Variants in AP4E1 observed in about 807,000 individuals in gnomAD.
AP4E1 encodes the protein adaptor related protein complex 4 subunit epsilon 1.
A neutral mutation model predicts 128.2 loss-of-function variants in AP4E1; 56 were observed. That is an observed-to-expected ratio of 0.44 (90% CI 0.35 to 0.55). AP4E1 has a LOEUF of 0.55. Ranked by LOEUF, AP4E1 falls within the 20% of genes least tolerant of loss-of-function variation. AP4E1 has a pLI of 0.00. For missense variants in AP4E1, 1,324 were observed against 1,307.7 expected (o/e 1.01, Z -0.19); for synonymous variants, 484 against 473.1 (o/e 1.02, Z -0.30).
chr15:50,915,612 C>G (rs745337959), intron 3 of AP4E1, 41 bp downstream of exon 3: 7 of 1,601,880 alleles, frequency 4.4e-6, no homozygotes, highest in Non-Finnish European at 6.0e-6. Context: ...TCATGTTGTC[C>G]TTGAAGTTGC....
rs141477361 is a variant in AP4E1, at chr15:50,950,106, T to C, written c.1485T>C (p.Tyr495=). 2.6e-4 allele frequency: 427 copies of C among 1,613,442 alleles called. No homozygotes were observed. The highest frequency in any genetic ancestry group is 3.3e-4 in the Admixed American group (20 of 60,004). ...TAAGACTCTATGCAGTTCAGTCTTA[T>C]CTCACTTTACTGGATATGGAAAATG... ...QQLRLYAVQS[Y]LTLLDMENVF... is the part of the protein sequence containing the mutation. The change falls in exon 13 of 21, where the codon TAT becomes TAC. Residue 495 remains tyrosine (Y), a synonymous_variant. Coordinates refer to ENST00000261842, the MANE Select transcript of AP4E1 (RefSeq NM_007347.5).
intron 15 of AP4E1, among the ~76,000 whole-genome samples, chr15:50,981,782 G>T (rs970699576): frequency 1.1e-4 from 16 of 151,966 alleles, no homozygotes; most frequent in Non-Finnish European, 2.2e-4. Context: ...CATGGGAGTG[G>T]GTCATTAAAA....
Position 50,949,955 on chromosome 15 carries a change from A to G in AP4E1, c.1429+17A>G. ...TAGCGGAAGGTTGGTACACTATTAT[A>G]TTCTGTAAAGTAAACATTTTAAAGT... is the stretch of plus-strand genomic sequence containing the variant. On this transcript the variant is annotated intron_variant, in intron 12 of 20. Coordinates refer to ENST00000261842, the MANE Select transcript of AP4E1 (RefSeq NM_007347.5). 1 of 1,601,930 alleles carries G rather than the reference A, an allele frequency of 6.2e-7. No homozygotes were observed. Among genetic ancestry groups the G allele is most frequent in the Non-Finnish European group, 8.6e-7 (1 of 1,169,052 alleles).
At chr15:50,917,183 A>G (rs1193705137) in intron 3 of AP4E1, among the ~76,000 whole-genome samples, 1 of 152,216 alleles carries the variant, frequency 6.6e-6, no homozygotes, top group East Asian at 1.9e-4. Context: ...CAAAAAGGAA[A>G]TTTCAACCAT....
intron 3 of AP4E1, among the ~76,000 whole-genome samples, chr15:50,921,560 A>C (rs929582893): frequency 4.6e-5 from 7 of 152,108 alleles, no homozygotes; most frequent in Non-Finnish European, 1.0e-4. Flanking sequence ...CGTGTTGGCC[A>C]GGCTGGTTTC....
intron 14 of AP4E1, among the ~76,000 whole-genome samples, chr15:50,967,046 C>G (rs1195035664): frequency 1.3e-5 from 2 of 152,146 alleles, no homozygotes; most frequent in Non-Finnish European, 1.5e-5. Flanking sequence ...TCTCCTTTCC[C>G]TGTCATTCTT....
intron 15 of AP4E1, among the ~76,000 whole-genome samples, chr15:50,969,006 T>C (rs2064438274): frequency 6.6e-6 from 1 of 151,322 alleles, no homozygotes; most frequent in South Asian, 2.1e-4. Flanking sequence ...TTTCTTCTTC[T>C]TTTTTTTTAA....
intron 8 of AP4E1, among the ~76,000 whole-genome samples, chr15:50,939,921 G>T (rs1476852557): frequency 1.3e-5 from 2 of 152,162 alleles, no homozygotes; most frequent in African/African-American, 4.8e-5. Context: ...GGCTTTGCAG[G>T]TCATGGAGGT....
rs560571987 is a variant in AP4E1 at position 50,947,501 on chromosome 15, A to G, written c.1177-519A>G. ...ACCTAGGCTTTGAAGCATTTGAGCC[A>G]CCAGTCTTTGTCCATCCAAACAAAA... On this transcript the variant is annotated intron_variant, in intron 10 of 20. Transcript: ENST00000261842. Among the ~76,000 whole-genome samples, 31 of 152,086 alleles carry G rather than the reference A, an allele frequency of 2.0e-4. 1 individual carries two copies. Among genetic ancestry groups the G allele is most frequent in the African/African-American group, 7.2e-4 (30 of 41,498 alleles).
chr15:50,980,910 G>A (rs554092977), intron 15 of AP4E1, among the ~76,000 whole-genome samples: 2 of 152,280 alleles, frequency 1.3e-5, no homozygotes, highest in African/African-American at 2.4e-5. Flanking sequence ...GGGTCATGGC[G>A]TCCTCCACCT....
At chr15:51,000,470 A>G (rs2064947722) in intron 19 of AP4E1, among the ~76,000 whole-genome samples, 1 of 152,170 alleles carries the variant, frequency 6.6e-6, no homozygotes, top group African/African-American at 2.4e-5. Flanking sequence ...TTTTAGTAAT[A>G]ACATAACTGT....
At chr15:51,001,238 G>A (rs1021595704) in intron 20 of AP4E1, 55 bp downstream of exon 20, 2 of 1,513,232 alleles carry the variant, frequency 1.3e-6, no homozygotes, top group Non-Finnish European at 1.8e-6. Flanking sequence ...TCTTATAATT[G>A]GAACACAAAT....
chr15:50,987,541 T>C (rs2064745728), intron 16 of AP4E1, among the ~76,000 whole-genome samples: 1 of 152,250 alleles, frequency 6.6e-6, no homozygotes, highest in Non-Finnish European at 1.5e-5. Flanking sequence ...TCTTTATTTC[T>C]GCCTTCATTT....
At chr15:50,940,011 A>G (rs906276010) in intron 8 of AP4E1, among the ~76,000 whole-genome samples, 3 of 152,192 alleles carry the variant, frequency 2.0e-5, no homozygotes, top group Admixed American at 2.0e-4. Flanking sequence ...TTTAGTTCAC[A>G]GGCCTATAAA....
intron 15 of AP4E1, among the ~76,000 whole-genome samples, chr15:50,976,946 T>C (rs1198076936): frequency 6.6e-6 from 1 of 152,242 alleles, no homozygotes; most frequent in Non-Finnish European, 1.5e-5. Context: ...ATCCCTTTCT[T>C]TTAAGGCTTT....
At chr15:50,961,144 A>G (rs531632544) in intron 14 of AP4E1, among the ~76,000 whole-genome samples, 1 of 152,172 alleles carries the variant, frequency 6.6e-6, no homozygotes, top group Admixed American at 6.5e-5. Context: ...AAAAGCTTAC[A>G]AGATGGCTTT....
intron 15 of AP4E1, 108 bp from the exon 16 acceptor site, chr15:50,983,914 A>G: frequency 9.0e-7 from 1 of 1,107,028 alleles, no homozygotes; most frequent in Non-Finnish European, 1.3e-6. Context: ...TAGAGTTTAA[A>G]AATGGCTATT....
intron 2 of AP4E1, among the ~76,000 whole-genome samples, chr15:50,913,144 C>A (rs2063584592): frequency 6.6e-6 from 1 of 152,110 alleles, no homozygotes; most frequent in South Asian, 2.1e-4. Flanking sequence ...CTTGTAAAGT[C>A]TGAGAGAATG....
chr15:50,944,867 C>A, intron 10 of AP4E1: 2 of 793,182 alleles, frequency 2.5e-6, no homozygotes, highest in South Asian at 1.5e-5. Context: ...AAGATGGAGT[C>A]AGTTGCTTGG....
Sources: allele counts gnomAD v4.1 joint callset (sites outside exome capture counted in the v4.1 genomes callset), GRCh38; gene constraint gnomAD v4.1.1; transcripts MANE v1.5; gene names NCBI Gene and HGNC (gene_info 2026-07-23, HGNC 2026-07-21).